FGD4: variants seen among roughly 807,000 people sequenced by gnomAD.
FGD4 encodes FYVE, RhoGEF and PH domain containing 4.
In FGD4, 42 loss-of-function variants were observed where a neutral mutation model predicts 102.0. The observed-to-expected ratio is 0.41, with a 90% CI of 0.32 to 0.53. FGD4 has a LOEUF of 0.53. FGD4 is among the 20% of genes least tolerant of loss of function. The pLI, the probability that FGD4 is intolerant of heterozygous loss-of-function variation, is 0.21. For missense variants in FGD4, 902 were observed against 1,078.2 expected (o/e 0.84, Z 2.29); for synonymous variants, 380 against 375.7 (o/e 1.01, Z -0.13).
intron 1 of FGD4, among the ~76,000 whole-genome samples, chr12:32,481,068 C>T (rs572740723): frequency 7.0e-5 from 9 of 127,814 alleles, no homozygotes; most frequent in Admixed American, 9.5e-5. Context: ...CCCCGGCTTG[C>T]GGTGAGCTGA....
chr12:32,640,339 G>T lies in FGD4; in HGVS notation c.2518G>T (p.Ala840Ser), dbSNP rs145630882. The stretch of plus-strand genomic sequence containing the variant: ...TGTGGTGGATGAAATGCCAAGGAGC[G>T]CAGACCTGCCACACAGTTTCAAACT... ...GYVVDEMPRS[A>S]DLPHSFKLTQ... Residue 840 changes from alanine (A) to serine (S), a missense_variant, in exon 17 of 17, where the codon GCA becomes TCA. Physicochemically the swap from Ala to Ser is moderately conservative, Grantham distance 99 (BLOSUM62 1). Transcript: ENST00000534526. 6.2e-7 allele frequency: 1 copy of T among 1,614,146 alleles called. No homozygotes were observed. Among genetic ancestry groups the T allele is most frequent in the Non-Finnish European group, 8.5e-7 (1 of 1,180,026 alleles).
intron 3 of FGD4, among the ~76,000 whole-genome samples, chr12:32,578,543 T>C (rs1465021399): frequency 2.0e-5 from 3 of 152,166 alleles, no homozygotes; most frequent in Non-Finnish European, 2.9e-5. Flanking sequence ...GTTAAGACCT[T>C]ACCCGGCTGG....
chr12:32,402,694 C>T (rs1174147533), intron 1 of FGD4, among the ~76,000 whole-genome samples: 2 of 151,444 alleles, frequency 1.3e-5, no homozygotes, highest in South Asian at 2.1e-4. Context: ...TACATTGTCT[C>T]GATATTGTAA....
In FGD4 at chr12:32,645,380, T is replaced by G. The variant is rs1951356527; in HGVS notation, c.*4847T>G. 6.6e-6 allele frequency: 1 copy of G among 152,202 alleles called. No homozygotes were observed. Among genetic ancestry groups the G allele is most frequent in the South Asian group, 2.1e-4 (1 of 4,830 alleles). 9.4% of individuals were successfully genotyped at this position (152,202 alleles called of 1,614,324 possible). ...AGCATAGGCCGGGCATAGTGGCTCA[T>G]GCCTGTAATCCCAGCCCTTGGGAGG... On this transcript the variant is annotated 3_prime_UTR_variant, in exon 17 of 17. Transcript: ENST00000534526.
intron 11 of FGD4, among the ~76,000 whole-genome samples, chr12:32,620,823 G>A (rs562766715): frequency 2.0e-5 from 3 of 149,114 alleles, no homozygotes; most frequent in East Asian, 2.0e-4. Flanking sequence ...TCAGCCTCCC[G>A]AGCTAATTTT....
intron 4 of FGD4, among the ~76,000 whole-genome samples, chr12:32,595,910 AAAC>A (rs140260561): frequency 0.028 from 4,266 of 152,354 alleles, 196 homozygotes; most frequent in African/African-American, 0.096. Context: ...CCACTGTAAG[AAAC>A]AACACATTAA....
chr12:32,430,760 G>T (rs1942018271), intron 1 of FGD4, among the ~76,000 whole-genome samples: 1 of 152,170 alleles, frequency 6.6e-6, no homozygotes, highest in African/African-American at 2.4e-5. Flanking sequence ...AAAATTGAGT[G>T]AGAGTATTCA....
chr12:32,476,879 G>A (rs1300244114), intron 1 of FGD4, among the ~76,000 whole-genome samples: 1 of 151,278 alleles, frequency 6.6e-6, no homozygotes, highest in Admixed American at 6.7e-5. Flanking sequence ...AGTGGCAGAA[G>A]TTGTGGCTGT....
At chr12:32,570,572 G>T (rs911640410) in intron 2 of FGD4, among the ~76,000 whole-genome samples, 2 of 151,988 alleles carry the variant, frequency 1.3e-5, no homozygotes, top group African/African-American at 4.8e-5. Flanking sequence ...CTCCCAAGTA[G>T]CTGGGATTAC....
chr12:32,559,291 T>C (rs1322688073), intron 1 of FGD4, among the ~76,000 whole-genome samples: 2 of 152,206 alleles, frequency 1.3e-5, no homozygotes, highest in Non-Finnish European at 2.9e-5. Context: ...GGTGCTTCTT[T>C]TAGGCAAACT....
chr12:32,516,953 A>G (rs1939955081), intron 1 of FGD4, among the ~76,000 whole-genome samples: 1 of 152,200 alleles, frequency 6.6e-6, no homozygotes, highest in African/African-American at 2.4e-5. Flanking sequence ...ATACTGTAGT[A>G]GATCTGGAAA....
At chr12:32,621,775 G>A (rs7955715) in intron 11 of FGD4, among the ~76,000 whole-genome samples, 2,017 of 152,284 alleles carry the variant, frequency 0.013, 35 homozygotes, top group African/African-American at 0.044. Flanking sequence ...GTGGGTTTGG[G>A]CCCTAGCCCC....
At chr12:32,510,470 C>A (rs1228456084) in intron 1 of FGD4, among the ~76,000 whole-genome samples, 1 of 151,948 alleles carries the variant, frequency 6.6e-6, no homozygotes. Flanking sequence ...TTGTTTTGTT[C>A]TTTACAAGTT....
intron 1 of FGD4, among the ~76,000 whole-genome samples, chr12:32,430,244 G>T (rs1450978358): frequency 6.6e-6 from 1 of 152,010 alleles, no homozygotes; most frequent in Non-Finnish European, 1.5e-5. Context: ...GGAGGGGCAG[G>T]TTGCAGTGAG....
chr12:32,496,270 C>T (rs1219733352), intron 1 of FGD4, among the ~76,000 whole-genome samples: 2 of 152,282 alleles, frequency 1.3e-5, no homozygotes, highest in East Asian at 3.9e-4. Context: ...TTTATCAGCA[C>T]AAAACTTGAA....
At chr12:32,590,420 T>A (rs998728447) in intron 4 of FGD4, among the ~76,000 whole-genome samples, 5 of 152,146 alleles carry the variant, frequency 3.3e-5, no homozygotes, top group Admixed American at 2.0e-4. Context: ...TTCCCTACTG[T>A]TAACAAATAG....
chr12:32,400,257 G>T (rs1384094373), intron 1 of FGD4, among the ~76,000 whole-genome samples: 1 of 152,216 alleles, frequency 6.6e-6, no homozygotes, highest in Non-Finnish European at 1.5e-5. Context: ...GTTAGGATTT[G>T]AAAAGACCAG....
At chr12:32,435,465 C>T (rs930305845) in intron 1 of FGD4, among the ~76,000 whole-genome samples, 1 of 148,850 alleles carries the variant, frequency 6.7e-6, no homozygotes, top group African/African-American at 2.5e-5. Flanking sequence ...TTTACATATT[C>T]AGTACTCAAT....
chr12:32,448,837 T>C (rs1235846735), intron 1 of FGD4, among the ~76,000 whole-genome samples: 1 of 152,028 alleles, frequency 6.6e-6, no homozygotes, highest in Non-Finnish European at 1.5e-5. Context: ...AAGGTAAAAC[T>C]GGGGAAAACC....
Sources: gnomAD v4.1 joint callset for allele counts (sites outside exome capture counted in the v4.1 genomes callset) on GRCh38, gnomAD v4.1.1 for gene constraint, MANE v1.5 for transcripts, NCBI Gene and HGNC (gene_info 2026-07-23, HGNC 2026-07-21) for gene names.